Variants in GNA12 observed in about 807,000 individuals in gnomAD.
GNA12 encodes G protein subunit alpha 12.
A neutral mutation model predicts 26.0 loss-of-function variants in GNA12; 9 were observed. The observed-to-expected ratio is 0.35, with a 90% CI of 0.21 to 0.60. GNA12 has a LOEUF of 0.60. GNA12 is among the 20% of genes least tolerant of loss of function. The pLI is 0.78. For missense variants in GNA12, 405 were observed against 525.8 expected (o/e 0.77, Z 2.25); for synonymous variants, 264 against 219.6 (o/e 1.20, Z -1.79).
chr7:2,733,397 G>GAT, intron 3 of GNA12, 54 bp downstream of exon 3: 1 of 1,226,698 alleles, frequency 8.2e-7, no homozygotes, highest in Non-Finnish European at 1.1e-6. Context: ...TTGGTCTCTG[G>GAT]ACACGTTTTC....
At chr7:2,823,818 A>G (rs1299963573) in intron 1 of GNA12, among the ~76,000 whole-genome samples, 1 of 152,260 alleles carries the variant, frequency 6.6e-6, no homozygotes, top group Non-Finnish European at 1.5e-5. Context: ...ATCATGCAGT[A>G]AAATTACTTA....
chr7:2,825,525 G>C (rs1470529537), intron 1 of GNA12, among the ~76,000 whole-genome samples: 2 of 152,240 alleles, frequency 1.3e-5, no homozygotes, highest in Non-Finnish European at 2.9e-5. Context: ...ATGTAAACTA[G>C]GGAAGGAGGT....
At chr7:2,839,840 T>C (rs545319874) in intron 1 of GNA12, among the ~76,000 whole-genome samples, 1 of 152,116 alleles carries the variant, frequency 6.6e-6, no homozygotes, top group Non-Finnish European at 1.5e-5. Flanking sequence ...CTCTACTAAA[T>C]ACACAAAAAT....
intron 1 of GNA12, among the ~76,000 whole-genome samples, chr7:2,797,549 C>T (rs749601337): frequency 6.6e-5 from 10 of 151,942 alleles, no homozygotes; most frequent in Non-Finnish European, 1.2e-4. Flanking sequence ...TTAGTTGGCA[C>T]TTATCCTAAA....
chr7:2,784,947 C>G (rs904092202), intron 2 of GNA12, among the ~76,000 whole-genome samples: 2 of 152,188 alleles, frequency 1.3e-5, no homozygotes, highest in African/African-American at 4.8e-5. Context: ...AACTCTATTA[C>G]ATCACACATT....
Position 2,731,040 on chromosome 7 carries a change from C to G in GNA12, c.*141G>C. The G allele has an allele frequency of 3.3e-6, 2 of 598,988 alleles. No homozygotes were observed. The highest frequency in any genetic ancestry group is 5.9e-6 in the Non-Finnish European group (2 of 340,194). The allele number at this position is 598,988 out of a possible 1,614,324, so 37.1% of individuals were successfully genotyped here. A position where few individuals can be genotyped will look rare whatever the true frequency, so the allele number is the denominator to read the frequency against. ...GCCTAGAGCTCGCTGGCTGGCTGGT[C>G]TGACAGCATTCCTGAGCCAGGTATT... is the stretch of plus-strand genomic sequence containing the variant. On this transcript the variant is annotated 3_prime_UTR_variant, in exon 4 of 4. Transcript: ENST00000275364. The surrounding 1 kb of genome is among the most constrained non-coding windows in gnomAD (Gnocchi z 6.0).
At chr7:2,826,069 C>A (rs571946353) in intron 1 of GNA12, among the ~76,000 whole-genome samples, 1 of 152,180 alleles carries the variant, frequency 6.6e-6, no homozygotes, top group South Asian at 2.1e-4. Flanking sequence ...GACAGTTGGG[C>A]AGTTTCTTAC....
chr7:2,737,461 G>T (rs1210746910), intron 2 of GNA12, among the ~76,000 whole-genome samples: 1 of 151,782 alleles, frequency 6.6e-6, no homozygotes, highest in South Asian at 2.1e-4. Flanking sequence ...GCTAACTTTT[G>T]TATTTTTAGT....
At chr7:2,759,427 C>T (rs182565279) in intron 2 of GNA12, among the ~76,000 whole-genome samples, 5 of 152,252 alleles carry the variant, frequency 3.3e-5, no homozygotes, top group Admixed American at 3.3e-4. Context: ...CTGTTCTGTC[C>T]ATGTGACAGA....
Position 2,789,132 on chromosome 7 carries a change from C to CTTTTTTTTTT in GNA12, c.525+5786_525+5795dup, listed in dbSNP as rs71026556. Among the ~76,000 whole-genome samples, 685 of 72,796 alleles carry CTTTTTTTTTT rather than the reference C, an allele frequency of 9.4e-3. 90 individuals are homozygous for CTTTTTTTTTT. The highest frequency in any genetic ancestry group is 0.01 in the African/African-American group (207 of 20,070). The allele number at this position is 72,796 out of a possible 152,430, so 47.8% of individuals were successfully genotyped here. On this transcript the variant is annotated intron_variant, in intron 2 of 3. Coordinates refer to ENST00000275364, the MANE Select transcript of GNA12 (RefSeq NM_007353.3). ...ACCGTGCCCGGACCCCTTCAGGCATCTTTTTTTTTTTTTTTTTTTTTGAGA... is the reference window on the plus strand; with the variant it reads ...ACCGTGCCCGGACCCCTTCAGGCATCTTTTTTTTTTTTTTTTTTTTTTTTTTTTTTTGAGA...
chr7:2,788,718 G>T (rs965409517), intron 2 of GNA12, among the ~76,000 whole-genome samples: 1 of 152,172 alleles, frequency 6.6e-6, no homozygotes, highest in East Asian at 1.9e-4. Flanking sequence ...TGAACAGTAG[G>T]ACATGAGGGT....
chr7:2,744,112 A>G (rs146600606), intron 2 of GNA12, among the ~76,000 whole-genome samples: 3,637 of 152,290 alleles, frequency 0.024, 104 homozygotes, highest in Middle Eastern at 0.075. Context: ...AGACAAACAA[A>G]AAGACAGCAG....
rs186883770 is a variant in GNA12, at chr7:2,773,041, A to G, written c.525+21887T>C. On this transcript the variant is annotated intron_variant, in intron 2 of 3. Transcript: ENST00000275364. ...GCCAGCTAAACGATTCCATTTAAAC[A>G]AACTTCAAAAACAGGCAAAACACTA... Among the ~76,000 whole-genome samples, 227 of 152,360 alleles carry G rather than the reference A, an allele frequency of 1.5e-3. 3 individuals carry two copies. In the South Asian group the frequency reaches 0.017, roughly 11 times the overall value.
At chr7:2,804,413 A>G (rs989575302) in intron 1 of GNA12, among the ~76,000 whole-genome samples, 14 of 152,206 alleles carry the variant, frequency 9.2e-5, no homozygotes, top group African/African-American at 3.4e-4. Context: ...ACGCGTGTAC[A>G]TACACCGGGT....
intron 2 of GNA12, among the ~76,000 whole-genome samples, chr7:2,737,269 GTTTTGTTTTTTTTTTTTTTGTTTTTTTT>G (rs1441549956): frequency 1.0e-4 from 4 of 38,128 alleles, no homozygotes; most frequent in African/African-American, 3.7e-4. Context: ...TCACAGTTTT[GTTTTGTTTTTTTTTTTTTTGTTTTTTTT>G]TTTTTTTTTG....
At chr7:2,840,741 TTGGGAGGCTGAGG>T (rs1778967342) in intron 1 of GNA12, among the ~76,000 whole-genome samples, 1 of 152,092 alleles carries the variant, frequency 6.6e-6, no homozygotes, top group Admixed American at 6.6e-5. Context: ...TCCCAGCTAC[TTGGGAGGCTGAGG>T]TGGGAGGATT....
intron 2 of GNA12, 159 bp downstream of exon 2, chr7:2,794,769 C>T: frequency 1.6e-6 from 1 of 626,656 alleles, no homozygotes; most frequent in Non-Finnish European, 2.8e-6. Context: ...ATAGCATCTG[C>T]CTCCATCCCG....
chr7:2,828,501 G>A (rs1793532973), intron 1 of GNA12, among the ~76,000 whole-genome samples: 1 of 152,158 alleles, frequency 6.6e-6, no homozygotes, highest in Admixed American at 6.5e-5. Flanking sequence ...TTACAGGCAT[G>A]AGCCTCCACA....
At chr7:2,843,481 CAAAAAAAAACTTAAAAATTAG>C (rs1779065522) in intron 1 of GNA12, among the ~76,000 whole-genome samples, 1 of 151,064 alleles carries the variant, frequency 6.6e-6, no homozygotes, top group African/African-American at 2.4e-5. Context: ...CCCATCTCTA[CAAAAAAAAACTTAAAAATTAG>C]CTGGGCTGGT....
Sources: gnomAD v4.1 joint callset for allele counts (sites outside exome capture counted in the v4.1 genomes callset) on GRCh38, gnomAD v4.1.1 for gene constraint, Gnocchi (gnomAD v3.1) non-coding constraint, MANE v1.5 for transcripts, NCBI Gene and HGNC (gene_info 2026-07-23, HGNC 2026-07-21) for gene names.